The following UBE2G1 variants were observed in gnomAD, a reference collection of about 807,000 sequenced individuals.
UBE2G1 encodes ubiquitin-conjugating enzyme E2 G1.
UBE2G1 carries 5 observed loss-of-function variants against 22.7 expected under a neutral mutation model. The ratio of observed to expected loss-of-function variants is 0.22; its 90% CI spans 0.12 to 0.46. The LOEUF is 0.46. UBE2G1 is among the 20% of genes least tolerant of loss of function. The pLI is 0.99. For synonymous variants in UBE2G1, 74 were observed against 67.5 expected (o/e 1.10, Z -0.47); for missense variants, 88 against 203.9 (o/e 0.43, Z 3.46).
At chr17:4,273,977 A>T (rs1004606016) in intron 5 of UBE2G1, among the ~76,000 whole-genome samples, 3 of 152,054 alleles carry the variant, frequency 2.0e-5, no homozygotes, top group Non-Finnish European at 4.4e-5. Context: ...TCTAAAGCCC[A>T]ATATGAACTT....
chr17:4,295,608 T>C (rs1371615483), intron 3 of UBE2G1, among the ~76,000 whole-genome samples: 1 of 152,274 alleles, frequency 6.6e-6, no homozygotes, highest in African/African-American at 2.4e-5. Flanking sequence ...ATTAGTATAA[T>C]AGCCTAAAGA....
intron 4 of UBE2G1, 140 bp downstream of exon 4, chr17:4,289,090 G>T: frequency 5.0e-6 from 3 of 601,122 alleles, no homozygotes; most frequent in Non-Finnish European, 7.2e-6. Context: ...TCAAAAATAA[G>T]AACTATGGGA....
At chr17:4,301,230 G>T in intron 2 of UBE2G1, 1 of 344,182 alleles carries the variant, frequency 2.9e-6, no homozygotes, top group Non-Finnish European at 5.7e-6. Flanking sequence ...ATTATTCTAT[G>T]ATAGTCAGAA....
At chr17:4,352,625 A>G (rs1428166113) in intron 1 of UBE2G1, among the ~76,000 whole-genome samples, 3 of 152,192 alleles carry the variant, frequency 2.0e-5, no homozygotes. Flanking sequence ...AATTATACAG[A>G]AAAGCTATAG....
chr17:4,362,523 A>T (rs969608082), intron 1 of UBE2G1, among the ~76,000 whole-genome samples: 4 of 152,176 alleles, frequency 2.6e-5, no homozygotes, highest in African/African-American at 9.7e-5. Flanking sequence ...CAAGACTGAG[A>T]CACTCCACAA....
At chr17:4,359,336 TA>T (rs1233809865) in intron 1 of UBE2G1, among the ~76,000 whole-genome samples, 1 of 152,036 alleles carries the variant, frequency 6.6e-6, no homozygotes, top group Non-Finnish European at 1.5e-5. Flanking sequence ...TAAGAATAGC[TA>T]AAGGAAAAAA....
chr17:4,270,284 A>T lies in UBE2G1; in HGVS notation c.*2270T>A, dbSNP rs980876273. 2 of 152,638 alleles carry T rather than the reference A, an allele frequency of 1.3e-5. No homozygotes were observed. The highest frequency in any genetic ancestry group is 2.9e-5 in the Non-Finnish European group (2 of 68,048). The allele number at this position is 152,638 out of a possible 1,614,324, so 9.5% of individuals were successfully genotyped here. On this transcript the variant is annotated 3_prime_UTR_variant, in exon 6 of 6. Coordinates refer to ENST00000396981, the MANE Select transcript of UBE2G1 (RefSeq NM_003342.5). ...TTTCACCTCAACAGATTGCTAGCAG[A>T]ATTATAGCAATAGGAGAGCAAAATT...
intron 1 of UBE2G1, among the ~76,000 whole-genome samples, chr17:4,344,833 C>T (rs1969751330): frequency 2.0e-5 from 3 of 151,974 alleles, no homozygotes; most frequent in Admixed American, 2.0e-4. Context: ...CTCATTGCAG[C>T]CTGGGCTACA....
At chr17:4,357,796 C>T (rs1292370965) in intron 1 of UBE2G1, among the ~76,000 whole-genome samples, 1 of 151,702 alleles carries the variant, frequency 6.6e-6, no homozygotes, top group Non-Finnish European at 1.5e-5. Flanking sequence ...GGAACTCTGT[C>T]TCAAAAAAAA....
At chr17:4,274,103 C>T (rs1455897386) in intron 5 of UBE2G1, among the ~76,000 whole-genome samples, 1 of 151,644 alleles carries the variant, frequency 6.6e-6, no homozygotes, top group African/African-American at 2.4e-5. Context: ...GCCTCAGCCT[C>T]CCGAGTAGCT....
chr17:4,329,287 T>C (rs1467448427), intron 1 of UBE2G1, among the ~76,000 whole-genome samples: 1 of 151,542 alleles, frequency 6.6e-6, no homozygotes, highest in East Asian at 1.9e-4. Flanking sequence ...TAGTCTCAGC[T>C]ACTCCAGAGG....
Position 4,287,487 on chromosome 17 carries a change from G to A in UBE2G1, c.426+1743C>T, listed in dbSNP as rs117140014. Among the ~76,000 whole-genome samples, 62 of 152,116 alleles carry A rather than the reference G, an allele frequency of 4.1e-4. No homozygotes were observed. The South Asian group carries it at 4.1e-3, about 10-fold the overall frequency. On this transcript the variant is annotated intron_variant, in intron 4 of 5. Coordinates refer to ENST00000396981, the MANE Select transcript of UBE2G1 (RefSeq NM_003342.5). ...AGGTCTCTCTCAAAATGATTTCCTAGGATTTCTTTTAATGCAGCTATCACC... is the reference window on the plus strand; with the variant it reads ...AGGTCTCTCTCAAAATGATTTCCTAAGATTTCTTTTAATGCAGCTATCACC...
At chr17:4,282,964 C>T in intron 4 of UBE2G1, 43 bp from the exon 5 acceptor site, 1 of 1,444,624 alleles carries the variant, frequency 6.9e-7, no homozygotes, top group Non-Finnish European at 9.6e-7. Context: ...CATGCAAACT[C>T]CCCTTTATAA....
intron 5 of UBE2G1, 135 bp downstream of exon 5, chr17:4,282,663 C>T (rs1968909146): frequency 1.0e-5 from 6 of 594,614 alleles, no homozygotes; most frequent in African/African-American, 3.7e-5. Flanking sequence ...GTTTTGAGAA[C>T]GAGACTACAG....
chr17:4,310,057 C>T lies in UBE2G1; in HGVS notation c.47-2934G>A, dbSNP rs116122242. Among the ~76,000 whole-genome samples, 486 of 152,282 alleles carry T rather than the reference C, an allele frequency of 3.2e-3. 4 individuals are homozygous for T. The highest frequency in any genetic ancestry group is 7.7e-3 in the African/African-American group (320 of 41,556). Reference sequence around the variant, plus strand: ...TCACTTTTGTCATGGCTTCAGCCCCCAGCATGAATCTTCCTAGGTCTAGAT... The same window carrying T: ...TCACTTTTGTCATGGCTTCAGCCCCTAGCATGAATCTTCCTAGGTCTAGAT... On this transcript the variant is annotated intron_variant, in intron 1 of 5. Coordinates refer to ENST00000396981, the MANE Select transcript of UBE2G1 (RefSeq NM_003342.5).
intron 2 of UBE2G1, chr17:4,302,364 C>G (rs966146938): frequency 2.1e-6 from 1 of 484,864 alleles, no homozygotes; most frequent in Non-Finnish European, 4.2e-6. Context: ...GATGTGGAGC[C>G]CTTGGGTTGC....
At chr17:4,284,368 G>A (rs1968933184) in intron 4 of UBE2G1, among the ~76,000 whole-genome samples, 2 of 152,032 alleles carry the variant, frequency 1.3e-5, no homozygotes, top group South Asian at 4.2e-4. Context: ...GGAGGCAGAG[G>A]CAGGTGGATC....
intron 1 of UBE2G1, among the ~76,000 whole-genome samples, chr17:4,322,793 T>C (rs1416339138): frequency 6.6e-6 from 1 of 152,152 alleles, no homozygotes; most frequent in Admixed American, 6.5e-5. Flanking sequence ...GAAATACAAA[T>C]GGAAGGCAAT....
chr17:4,337,155 G>A (rs1485668445), intron 1 of UBE2G1, among the ~76,000 whole-genome samples: 1 of 151,920 alleles, frequency 6.6e-6, no homozygotes. Flanking sequence ...AAAATCTCTG[G>A]TACGACTGGG....
Sources: gnomAD v4.1 joint callset for allele counts (sites outside exome capture counted in the v4.1 genomes callset) on GRCh38, gnomAD v4.1.1 for gene constraint, MANE v1.5 for transcripts, NCBI Gene and HGNC (gene_info 2026-07-23, HGNC 2026-07-21) for gene names.